VEZT: variants seen among roughly 807,000 people sequenced by gnomAD.
VEZT encodes vezatin, adherens junctions transmembrane protein, also known as vezatin.
A neutral mutation model predicts 79.9 loss-of-function variants in VEZT; 39 were observed. That is an observed-to-expected ratio of 0.49 (90% CI 0.38 to 0.64). VEZT has a LOEUF of 0.64. VEZT is among the 30% of genes least tolerant of loss of function. The pLI is 0.00. For missense variants in VEZT, 837 were observed against 893.1 expected, an observed-to-expected ratio of 0.94 and a Z score of 0.80; for synonymous variants, 325 against 327.6, an observed-to-expected ratio of 0.99 and a Z score of 0.09.
intron 1 of VEZT, among the ~76,000 whole-genome samples, chr12:95,245,993 C>A (rs558265057): frequency 1.8e-4 from 27 of 152,172 alleles, no homozygotes; most frequent in Non-Finnish European, 3.7e-4. Flanking sequence ...AAAAGCTAAC[C>A]AGCAATGATG....
chr12:95,275,464 G>A (rs1274043655), intron 7 of VEZT, among the ~76,000 whole-genome samples: 2 of 151,952 alleles, frequency 1.3e-5, no homozygotes, highest in Non-Finnish European at 2.9e-5. Flanking sequence ...GCTGGGTGCA[G>A]TGTCACATGC....
chr12:95,245,487 G>A (rs1489530511), intron 1 of VEZT: 2 of 455,794 alleles, frequency 4.4e-6, no homozygotes, highest in East Asian at 1.4e-4. Flanking sequence ...ACTCTTTTGG[G>A]AAAAACTGTT....
intron 1 of VEZT, among the ~76,000 whole-genome samples, chr12:95,233,717 TC>T (rs1461400862): frequency 3.3e-5 from 5 of 152,322 alleles, no homozygotes; most frequent in Middle Eastern, 6.8e-3. Context: ...TGGTATATTT[TC>T]TTTCAGATTA....
At chr12:95,238,292 C>G (rs1299380199) in intron 1 of VEZT, among the ~76,000 whole-genome samples, 1 of 152,026 alleles carries the variant, frequency 6.6e-6, no homozygotes, top group East Asian at 1.9e-4. Flanking sequence ...ATAAAAATAC[C>G]TCTTTATAGA....
chr12:95,231,964 A>C (rs189521865), intron 1 of VEZT, among the ~76,000 whole-genome samples: 1 of 152,244 alleles, frequency 6.6e-6, no homozygotes, highest in Admixed American at 6.5e-5. Flanking sequence ...AATTGAGAAA[A>C]ATCACTGCCT....
intron 9 of VEZT, among the ~76,000 whole-genome samples, chr12:95,292,729 A>G (rs954212910): frequency 1.3e-5 from 2 of 150,860 alleles, no homozygotes; most frequent in African/African-American, 4.9e-5. Flanking sequence ...TTGTGTTTTT[A>G]TTAGAGATGG....
chr12:95,234,228 C>T (rs1228453197), intron 1 of VEZT, among the ~76,000 whole-genome samples: 2 of 150,452 alleles, frequency 1.3e-5, no homozygotes, highest in Non-Finnish European at 3.0e-5. Context: ...TTTATGTGGC[C>T]TTATTGTAAA....
intron 9 of VEZT, among the ~76,000 whole-genome samples, chr12:95,288,309 G>A (rs1290219675): frequency 6.6e-6 from 1 of 152,086 alleles, no homozygotes; most frequent in East Asian, 1.9e-4. Context: ...TTAGTACTAA[G>A]ATCTAAAGAC....
chr12:95,285,554 T>A (rs1012039138), intron 8 of VEZT, among the ~76,000 whole-genome samples: 1 of 152,274 alleles, frequency 6.6e-6, no homozygotes, highest in East Asian at 1.9e-4. Flanking sequence ...CCTTAGTTGT[T>A]CCCCATCTGT....
intron 1 of VEZT, among the ~76,000 whole-genome samples, chr12:95,231,167 G>C (rs2059225924): frequency 1.3e-5 from 2 of 152,128 alleles, no homozygotes; most frequent in Admixed American, 6.5e-5. Flanking sequence ...CCTGCAGCCA[G>C]ACAAACTTCT....
chr12:95,248,883 A>G (rs2062091472), intron 1 of VEZT, among the ~76,000 whole-genome samples: 1 of 152,042 alleles, frequency 6.6e-6, no homozygotes. Context: ...AAAGAACAGG[A>G]ATCAGCAAAT....
intron 1 of VEZT, among the ~76,000 whole-genome samples, chr12:95,250,222 C>G (rs559359777): frequency 7.5e-6 from 1 of 133,472 alleles, no homozygotes; most frequent in East Asian, 2.3e-4. Flanking sequence ...CCCCTCCCCC[C>G]ACCTAATTGT....
chr12:95,246,117 T>C (rs1473619332), intron 1 of VEZT, among the ~76,000 whole-genome samples: 1 of 152,170 alleles, frequency 6.6e-6, no homozygotes, highest in East Asian at 1.9e-4. Flanking sequence ...ATCTTTTCTT[T>C]TTTTTCTTTT....
At chr12:95,274,675 G>C in intron 6 of VEZT, 67 bp from the exon 7 acceptor site, 5 of 1,510,424 alleles carry the variant, frequency 3.3e-6, no homozygotes, top group Non-Finnish European at 4.5e-6. Context: ...TGTGATATAG[G>C]ACAATTTCAC....
intron 7 of VEZT, among the ~76,000 whole-genome samples, chr12:95,279,109 A>G (rs2068438617): frequency 6.6e-6 from 1 of 152,226 alleles, no homozygotes; most frequent in Non-Finnish European, 1.5e-5. Context: ...TTAATTTCTT[A>G]TCCAAAATGC....
intron 1 of VEZT, among the ~76,000 whole-genome samples, chr12:95,234,234 G>A (rs1272101840): frequency 6.8e-6 from 1 of 147,582 alleles, no homozygotes; most frequent in African/African-American, 2.5e-5. Context: ...TGGCCTTATT[G>A]TAAATTAAAA....
At chr12:95,227,334 CTTTTTTTTT>C (rs62891361) in intron 1 of VEZT, among the ~76,000 whole-genome samples, 24 of 126,106 alleles carry the variant, frequency 1.9e-4, no homozygotes, top group Non-Finnish European at 2.4e-4. Context: ...CTAATTTTTT[CTTTTTTTTT>C]TTTTTTTTTG....
In VEZT at chr12:95,287,837, G is replaced by A. The variant is rs369143700; in HGVS notation, c.1502G>A (p.Arg501Gln). ...ATTTCTCAGGTCGACAAACTGCTAC[G>A]AAGAAATACAGATAAAAAAGGTACC... ...EAISQVDKLL[R>Q]RNTDKKGKPE... The change falls in exon 9 of 12, where the codon CGA becomes CAA. Residue 501 changes from arginine (R) to glutamine (Q), a missense_variant. By Grantham distance (43) the Arg-to-Gln change is conservative. Coordinates refer to ENST00000436874, the MANE Select transcript of VEZT (RefSeq NM_017599.4). 1.4e-5 allele frequency: 23 copies of A among 1,598,934 alleles called. No individual in the cohort carries two copies. The highest frequency in any genetic ancestry group is 3.4e-5 in the South Asian group (3 of 88,096).
intron 1 of VEZT, among the ~76,000 whole-genome samples, chr12:95,234,284 CTTTT>C (rs10587022): frequency 2.0e-4 from 25 of 122,912 alleles, no homozygotes; most frequent in South Asian, 1.1e-3. Flanking sequence ...TATCAATAAT[CTTTT>C]TTTTTTTTTT....
Sources: allele counts gnomAD v4.1 joint callset (sites outside exome capture counted in the v4.1 genomes callset), GRCh38; gene constraint gnomAD v4.1.1; transcripts MANE v1.5; gene names NCBI Gene and HGNC (gene_info 2026-07-23, HGNC 2026-07-21).